Variants in NTN4 observed in about 807,000 individuals in gnomAD.
The protein encoded by NTN4 is netrin 4.
NTN4 carries 32 observed loss-of-function variants against 73.6 expected under a neutral mutation model. The ratio of observed to expected loss-of-function variants is 0.44; its 90% CI spans 0.33 to 0.58. NTN4 has a LOEUF of 0.58. Among genes scored for constraint, NTN4 ranks in the 20% least tolerant of loss-of-function variants. The pLI is 0.04. For synonymous variants in NTN4, 258 were observed against 287.5 expected, an observed-to-expected ratio of 0.90 and a Z score of 1.04; for missense variants, 654 against 798.3, an observed-to-expected ratio of 0.82 and a Z score of 2.18.
rs1224242752 is a variant in NTN4, at chr12:95,790,193, C to G, written c.55+62G>C. 17 of 1,450,330 alleles carry G rather than the reference C, an allele frequency of 1.2e-5. No individual in the cohort carries two copies. The Middle Eastern group carries it at 5.2e-4, about 45-fold the overall frequency. 89.8% of individuals were successfully genotyped at this position (1,450,330 alleles called of 1,614,324 possible). Reference sequence around the variant, plus strand: ...CCCTGGCTCCCCTGCACCCCCGAGTCCCGAGATGGGTTAGAGAAGCAGCGA... The same window carrying G: ...CCCTGGCTCCCCTGCACCCCCGAGTGCCGAGATGGGTTAGAGAAGCAGCGA... On this transcript the variant is annotated intron_variant, in intron 1 of 9. Transcript: ENST00000343702. This position sits in a 1 kb window ranked among gnomAD's most constrained non-coding sequence, Gnocchi z 6.5.
chr12:95,750,840 C>T (rs2078901357), intron 2 of NTN4, among the ~76,000 whole-genome samples: 1 of 152,204 alleles, frequency 6.6e-6, no homozygotes, highest in African/African-American at 2.4e-5. Flanking sequence ...ATCCTTTTAT[C>T]ACCTCCCCTC....
intron 2 of NTN4, among the ~76,000 whole-genome samples, chr12:95,780,270 C>T (rs563642297): frequency 1.3e-5 from 2 of 152,288 alleles, no homozygotes; most frequent in Admixed American, 1.3e-4. Context: ...ACACCAAAAG[C>T]AATGGCAACA....
intron 3 of NTN4, among the ~76,000 whole-genome samples, 195 bp from the exon 4 acceptor site, chr12:95,713,533 A>C (rs2078582131): frequency 6.6e-6 from 1 of 152,214 alleles, no homozygotes; most frequent in African/African-American, 2.4e-5. Flanking sequence ...TCAAAAGATT[A>C]AGTAATATAG....
intron 7 of NTN4, 59 bp downstream of exon 7, chr12:95,682,648 G>C (rs922539425): frequency 9.5e-6 from 11 of 1,156,540 alleles, no homozygotes; most frequent in Admixed American, 3.6e-5. Flanking sequence ...GGTTTGTCAC[G>C]TATCACTGTT....
rs548562945 is a variant in NTN4 at position 95,789,671 on chromosome 12, C to G, written c.55+584G>C. ...GTACCAATTCCCCAGGGGCGGCCAG[C>G]CAGCTCAATGCAAGCCCGGGGTGAT... On this transcript the variant is annotated intron_variant, in intron 1 of 9. Transcript: ENST00000343702. The surrounding 1 kb of genome is among the most constrained non-coding windows in gnomAD (Gnocchi z 4.0). 6.5e-6 allele frequency: 1 copy of G among 152,862 alleles called. No individual in the cohort carries two copies. The highest frequency in any genetic ancestry group is 2.1e-4 in the South Asian group (1 of 4,840). 9.5% of individuals were successfully genotyped at this position (152,862 alleles called of 1,614,324 possible). A position where few individuals can be genotyped will look rare whatever the true frequency, so the allele number is the denominator to read the frequency against.
chr12:95,750,703 G>A (rs1390942435), intron 2 of NTN4, among the ~76,000 whole-genome samples: 8 of 152,024 alleles, frequency 5.3e-5, no homozygotes, highest in African/African-American at 1.2e-4. Context: ...AACCCCAAGC[G>A]TCGCTGAGTC....
intron 3 of NTN4, among the ~76,000 whole-genome samples, chr12:95,715,232 T>A (rs1198218607): frequency 6.6e-6 from 1 of 152,154 alleles, no homozygotes; most frequent in African/African-American, 2.4e-5. Context: ...AAGCAATATG[T>A]TGGTGGCCAT....
intron 5 of NTN4, among the ~76,000 whole-genome samples, chr12:95,697,629 C>CTTT (rs78324339): frequency 3.9e-5 from 5 of 129,518 alleles, no homozygotes; most frequent in African/African-American, 1.4e-4. Flanking sequence ...AAGGCTTTTA[C>CTTT]TTTTTTTTTT....
At chr12:95,733,494 G>A (rs1367364701) in intron 3 of NTN4, among the ~76,000 whole-genome samples, 4 of 152,122 alleles carry the variant, frequency 2.6e-5, no homozygotes, top group African/African-American at 7.2e-5. Flanking sequence ...ACCATATCCC[G>A]GGCACAGAGC....
At chr12:95,684,041 G>A (rs1306749388) in intron 5 of NTN4, among the ~76,000 whole-genome samples, 1 of 152,144 alleles carries the variant, frequency 6.6e-6, no homozygotes, top group Non-Finnish European at 1.5e-5. Context: ...AGGAAAAGAC[G>A]TCATGAGAGT....
chr12:95,698,157 C>T (rs2078456122), intron 5 of NTN4, among the ~76,000 whole-genome samples: 2 of 152,150 alleles, frequency 1.3e-5, no homozygotes, highest in African/African-American at 4.8e-5. Context: ...GAACCAATCC[C>T]TCGAGGATAC....
At chr12:95,746,863 T>C (rs568372211) in intron 2 of NTN4, among the ~76,000 whole-genome samples, 2 of 152,322 alleles carry the variant, frequency 1.3e-5, no homozygotes, top group African/African-American at 2.4e-5. Flanking sequence ...TCAGGGATCA[T>C]TGTCCTCTTC....
Position 95,713,342 on chromosome 12 carries a change from C to A in NTN4, c.865-4G>T, listed in dbSNP as rs765782769. On this transcript the variant is annotated splice_region_variant and splice_polypyrimidine_tract_variant and intron_variant, in intron 3 of 9. Coordinates refer to ENST00000343702, the MANE Select transcript of NTN4 (RefSeq NM_021229.4). ...TACACATACACTTCCCATGGACCTA[C>A]AAGCAACATCAAGTGAGAACTATGA... is the stretch of plus-strand genomic sequence containing the variant. 1 of 1,584,698 alleles carries A rather than the reference C, an allele frequency of 6.3e-7. No individual in the cohort carries two copies. Among genetic ancestry groups the A allele is most frequent in the Non-Finnish European group, 8.6e-7 (1 of 1,157,958 alleles).
intron 5 of NTN4, among the ~76,000 whole-genome samples, chr12:95,694,647 A>G (rs757018291): frequency 2.0e-5 from 3 of 151,954 alleles, no homozygotes; most frequent in Non-Finnish European, 4.4e-5. Context: ...GCTATCAACT[A>G]TTTTTGCTAG....
intron 3 of NTN4, among the ~76,000 whole-genome samples, chr12:95,714,515 A>G (rs2078591423): frequency 6.6e-6 from 1 of 151,686 alleles, no homozygotes; most frequent in Non-Finnish European, 1.5e-5. Flanking sequence ...TTGGTACACA[A>G]AGTATTAGAA....
rs146667847 is a variant in NTN4 at position 95,691,540 on chromosome 12, C to T, written c.1181-7829G>A. ...CCTCCTGAGTAGCTGGGATTACAGG[C>T]ACGTGCCACCACGCCTGGCTAATTG... On this transcript the variant is annotated intron_variant, in intron 5 of 9. Transcript: ENST00000343702. Among the ~76,000 whole-genome samples, 1,045 of 152,206 alleles carry T rather than the reference C, an allele frequency of 6.9e-3. 8 individuals are homozygous for T. The highest frequency in any genetic ancestry group is 0.024 in the African/African-American group (1,005 of 41,536).
intron 2 of NTN4, among the ~76,000 whole-genome samples, chr12:95,746,098 CCAGA>C (rs1397169442): frequency 1.3e-5 from 2 of 152,138 alleles, no homozygotes; most frequent in Admixed American, 6.5e-5. Context: ...GCTAAGAGAG[CCAGA>C]CAGACTCCAT....
chr12:95,741,765 A>G (rs2078828909), intron 2 of NTN4, among the ~76,000 whole-genome samples: 1 of 151,748 alleles, frequency 6.6e-6, no homozygotes, highest in Non-Finnish European at 1.5e-5. Flanking sequence ...ATTTATGTAA[A>G]TGTGGTCTCT....
rs1464868914 is a variant in NTN4, at chr12:95,674,209, G to T, written c.1511-4063C>A. On this transcript the variant is annotated intron_variant, in intron 7 of 9. Transcript: ENST00000343702. Reference sequence around the variant, plus strand: ...GTAGTAACCTAAGTGAATAGCCTATGGCCTTTGATAATTCCACAAAGCAGA... The same window carrying T: ...GTAGTAACCTAAGTGAATAGCCTATTGCCTTTGATAATTCCACAAAGCAGA... Among the ~76,000 whole-genome samples, 3 of 152,020 alleles carry T rather than the reference G, an allele frequency of 2.0e-5. No homozygotes were observed. In the East Asian group the frequency reaches 5.8e-4, roughly 29 times the overall value.
Sources: allele counts gnomAD v4.1 joint callset (sites outside exome capture counted in the v4.1 genomes callset), GRCh38; gene constraint gnomAD v4.1.1; non-coding constraint Gnocchi (gnomAD v3.1); transcripts MANE v1.5; gene names NCBI Gene and HGNC (gene_info 2026-07-23, HGNC 2026-07-21).